The following DSCAM variants were observed in gnomAD, a reference collection of about 807,000 sequenced individuals.
DSCAM encodes DS cell adhesion molecule.
A neutral mutation model predicts 217.7 loss-of-function variants in DSCAM; 47 were observed. The observed-to-expected ratio is 0.22, with a 90% CI of 0.17 to 0.28. DSCAM has a LOEUF of 0.28. Among genes scored for constraint, DSCAM ranks in the 10% least tolerant of loss-of-function variants. The pLI is 1.00. For missense variants in DSCAM, 2,080 were observed against 2,618.3 expected, an observed-to-expected ratio of 0.79 and a Z score of 4.49; for synonymous variants, 1,056 against 1,015.3, an observed-to-expected ratio of 1.04 and a Z score of -0.76.
rs113422444 is a variant in DSCAM at position 40,581,595 on chromosome 21, G to A, written c.508+111215C>T. ...GGAGTGGGGATGGGGACAGAAACTG[G>A]GAGAAAGTGTGAGGTCAGCATTGAC... On this transcript the variant is annotated intron_variant, in intron 3 of 32. Coordinates refer to ENST00000400454, the MANE Select transcript of DSCAM (RefSeq NM_001389.5). Among the ~76,000 whole-genome samples the A allele has an allele frequency of 3.2e-3, 490 of 152,202 alleles. 1 individual carries two copies. Among genetic ancestry groups the A allele is most frequent in the Non-Finnish European group, 5.1e-3 (349 of 68,002 alleles).
At chr21:40,724,749 C>T (rs1216507828) in intron 1 of DSCAM, among the ~76,000 whole-genome samples, 2 of 152,124 alleles carry the variant, frequency 1.3e-5, no homozygotes, top group East Asian at 1.9e-4. Context: ...TAAGTGAAAA[C>T]ACTGAAGTGA....
rs548468208 is a variant in DSCAM, at chr21:40,726,586, G to C, written c.44-17815C>G. On this transcript the variant is annotated intron_variant, in intron 1 of 32. Transcript: ENST00000400454. The stretch of plus-strand genomic sequence containing the variant: ...TACTCACAGAAAGCAAAGTCTGTAA[G>C]TGAGTGTGTTTCCAGAGAGTTTGTC... Among the ~76,000 whole-genome samples, 15 of 152,044 alleles carry C rather than the reference G, an allele frequency of 9.9e-5. 1 individual carries two copies. In the South Asian group the frequency reaches 3.1e-3, roughly 32 times the overall value.
chr21:40,146,298 T>G (rs2090356717), intron 16 of DSCAM, among the ~76,000 whole-genome samples: 1 of 150,884 alleles, frequency 6.6e-6, no homozygotes, highest in South Asian at 2.1e-4. Flanking sequence ...CTCAGAGAAG[T>G]AGAAGGAGGA....
chr21:40,660,297 A>G (rs1334502688), intron 3 of DSCAM, among the ~76,000 whole-genome samples: 3 of 152,210 alleles, frequency 2.0e-5, no homozygotes, highest in Non-Finnish European at 4.4e-5. Context: ...AAGGAAGGAA[A>G]GCAGGAAAGA....
intron 14 of DSCAM, among the ~76,000 whole-genome samples, chr21:40,179,372 G>A (rs73230320): frequency 6.6e-6 from 1 of 151,870 alleles, no homozygotes; most frequent in African/African-American, 2.4e-5. Flanking sequence ...AGGGGTGATG[G>A]AGGAAGCACA....
intron 4 of DSCAM, among the ~76,000 whole-genome samples, chr21:40,364,633 C>T (rs1314619155): frequency 6.6e-6 from 1 of 150,446 alleles, no homozygotes; most frequent in Non-Finnish European, 1.5e-5. Flanking sequence ...ACATATGTAA[C>T]ATACCTGTAC....
intron 11 of DSCAM, among the ~76,000 whole-genome samples, chr21:40,215,717 C>T (rs1554939): frequency 6.6e-6 from 1 of 151,616 alleles, no homozygotes; most frequent in East Asian, 1.9e-4. Context: ...TTGGGTGATG[C>T]GTGCACTAAA....
At chr21:40,585,145 G>A (rs993684249) in intron 3 of DSCAM, among the ~76,000 whole-genome samples, 9 of 149,984 alleles carry the variant, frequency 6.0e-5, no homozygotes, top group Non-Finnish European at 1.2e-4. Context: ...AATGCTTCTT[G>A]TGCAGCCTGT....
At chr21:40,489,699 C>T (rs370367783) in intron 3 of DSCAM, among the ~76,000 whole-genome samples, 17 of 127,798 alleles carry the variant, frequency 1.3e-4, no homozygotes, top group African/African-American at 3.8e-4. Context: ...GGCGTGAACC[C>T]GGGAGGCGGA....
At chr21:40,716,103 C>T (rs765392186) in intron 1 of DSCAM, among the ~76,000 whole-genome samples, 81 of 152,144 alleles carry the variant, frequency 5.3e-4, no homozygotes, top group Non-Finnish European at 1.1e-3. Flanking sequence ...GGATTACTGT[C>T]ACTTCTCCTT....
At chr21:40,476,021 G>C (rs926194171) in intron 3 of DSCAM, among the ~76,000 whole-genome samples, 2 of 152,086 alleles carry the variant, frequency 1.3e-5, no homozygotes, top group Non-Finnish European at 2.9e-5. Flanking sequence ...ATCTTTGGGT[G>C]GGTGCTTCAC....
intron 11 of DSCAM, among the ~76,000 whole-genome samples, chr21:40,245,371 A>G (rs2073209899): frequency 6.6e-6 from 1 of 152,112 alleles, no homozygotes; most frequent in Non-Finnish European, 1.5e-5. Context: ...GAACTGTTTC[A>G]TGTTTTCAGG....
intron 3 of DSCAM, among the ~76,000 whole-genome samples, chr21:40,596,085 G>A (rs1431402649): frequency 6.6e-6 from 1 of 152,190 alleles, no homozygotes; most frequent in Non-Finnish European, 1.5e-5. Context: ...GTGGTTTGCT[G>A]AGCCCATGCT....
chr21:40,373,343 G>T (rs760069740), intron 3 of DSCAM, among the ~76,000 whole-genome samples: 2 of 152,116 alleles, frequency 1.3e-5, no homozygotes, highest in African/African-American at 4.8e-5. Flanking sequence ...GCACCCATTC[G>T]TTGGACCAGC....
At chr21:40,041,553 G>A (rs1020405943) in intron 32 of DSCAM, among the ~76,000 whole-genome samples, 2 of 152,156 alleles carry the variant, frequency 1.3e-5, no homozygotes, top group Admixed American at 1.3e-4. Context: ...CTTTTAGACA[G>A]TAGTGAACCC....
chr21:40,124,129 A>G lies in DSCAM; in HGVS notation c.3696+66T>C, dbSNP rs28569255. ...GGGAAACAAAGGAACGAAACTGTCCAGTGCGAGCACCTGCAGCTCGTCCCT... is the reference window on the plus strand; with the variant it reads ...GGGAAACAAAGGAACGAAACTGTCCGGTGCGAGCACCTGCAGCTCGTCCCT... On this transcript the variant is annotated intron_variant, in intron 20 of 32. Coordinates refer to ENST00000400454, the MANE Select transcript of DSCAM (RefSeq NM_001389.5). 801 of 1,603,184 alleles carry G rather than the reference A, an allele frequency of 5.0e-4. 3 individuals are homozygous for G. The African/African-American group carries it at 1.0e-2, about 20-fold the overall frequency.
chr21:40,593,499 T>C (rs2076998931), intron 3 of DSCAM, among the ~76,000 whole-genome samples: 2 of 152,134 alleles, frequency 1.3e-5, no homozygotes, highest in East Asian at 1.9e-4. Context: ...TTAGTTTTCT[T>C]TGTATTTTTA....
rs368961492 is a variant in DSCAM at position 40,651,008 on chromosome 21, A to G, written c.508+41802T>C. Among the ~76,000 whole-genome samples the G allele has an allele frequency of 2.6e-5, 4 of 152,302 alleles. No individual in the cohort carries two copies. The East Asian group carries it at 5.8e-4, about 22-fold the overall frequency. On this transcript the variant is annotated intron_variant, in intron 3 of 32. Coordinates refer to ENST00000400454, the MANE Select transcript of DSCAM (RefSeq NM_001389.5). ...TTCCCAGTTCTAGGGGAGGGTTCCT[A>G]AAGGTTGTCCAGCTGTCCAGTTCAA... is the stretch of plus-strand genomic sequence containing the variant.
intron 3 of DSCAM, among the ~76,000 whole-genome samples, chr21:40,437,955 A>T (rs1298670574): frequency 6.6e-6 from 1 of 152,234 alleles, no homozygotes. Flanking sequence ...TTCATCTCAT[A>T]GCCTCACAGG....
Sources: gnomAD v4.1 joint callset for allele counts (sites outside exome capture counted in the v4.1 genomes callset) on GRCh38, gnomAD v4.1.1 for gene constraint, MANE v1.5 for transcripts, NCBI Gene and HGNC (gene_info 2026-07-23, HGNC 2026-07-21) for gene names.